The following PCMT1 variants were observed in gnomAD, a reference collection of about 807,000 sequenced individuals.
PCMT1 encodes the protein protein-L-isoaspartate(D-aspartate) O-methyltransferase.
In PCMT1, 9 loss-of-function variants were observed where a neutral mutation model predicts 29.2. The observed-to-expected ratio is 0.31, with a 90% CI of 0.19 to 0.54. The LOEUF (loss-of-function observed/expected upper bound fraction) is 0.54. Ranked by LOEUF, PCMT1 falls within the 20% of genes least tolerant of loss-of-function variation. The probability of loss-of-function intolerance (pLI) is 0.95; values close to 1 mark genes in which losing one functional copy is unlikely to be tolerated. For missense variants in PCMT1, 184 were observed against 282.2 expected, an observed-to-expected ratio of 0.65 and a Z score of 2.49; for synonymous variants, 98 against 97.5, an observed-to-expected ratio of 1.00 and a Z score of -0.03.
At position 149,782,558 on chromosome 6, in the gene PCMT1, T is replaced by C. The variant is rs149467545; in HGVS notation, c.193-7396T>C. ...CTTACTAAAAGAGTCAAGTGCTCCTTGGAGTAGTGACTGACATCTGTCAAG... is the reference window on the plus strand; with the variant it reads ...CTTACTAAAAGAGTCAAGTGCTCCTCGGAGTAGTGACTGACATCTGTCAAG... On this transcript the variant is annotated intron_variant, in intron 3 of 7. Coordinates refer to ENST00000464889, the MANE Select transcript of PCMT1 (RefSeq NM_001360452.2). Among the ~76,000 whole-genome samples the C allele has an allele frequency of 2.6e-4, 39 of 152,298 alleles. No individual in the cohort carries two copies. In the East Asian group the frequency reaches 6.7e-3, roughly 26 times the overall value.
chr6:149,802,128 C>G (rs1355871093), intron 6 of PCMT1, 72 bp from the exon 7 acceptor site: 5 of 1,163,898 alleles, frequency 4.3e-6, no homozygotes, highest in Non-Finnish European at 5.9e-6. Context: ...GACCCTGTCT[C>G]AAAAATAAAT....
intron 2 of PCMT1, 93 bp downstream of exon 2, chr6:149,771,359 A>G (rs935318386): frequency 1.4e-5 from 9 of 646,538 alleles, no homozygotes; most frequent in East Asian, 8.4e-5. Context: ...ATATTTATCT[A>G]TTATTACCTT....
At chr6:149,809,510 A>G (rs1363973090) in intron 7 of PCMT1, among the ~76,000 whole-genome samples, 1 of 152,126 alleles carries the variant, frequency 6.6e-6, no homozygotes, top group Admixed American at 6.5e-5. Context: ...CCAATACTAT[A>G]GGATAAAGGC....
In PCMT1 at chr6:149,802,319, G is replaced by C; in HGVS notation, c.624G>C (p.Leu208=). Residue 208 remains leucine, a synonymous_variant, in exon 7 of 8, where the codon CTG becomes CTC. Transcript: ENST00000464889. The part of the protein sequence containing the change: ...LQDGSIKMKP[L]MGVIYVPLTD... ...ATGGCAGCATCAAAATGAAGCCTCTGATGGGGGTGATATACGTGCCTTTAA... is the reference window on the plus strand; with the variant it reads ...ATGGCAGCATCAAAATGAAGCCTCTCATGGGGGTGATATACGTGCCTTTAA... The C allele has an allele frequency of 6.2e-7, 1 of 1,613,840 alleles. No individual in the cohort carries two copies. The highest frequency in any genetic ancestry group is 8.5e-7 in the Non-Finnish European group (1 of 1,179,810).
At position 149,749,963 on chromosome 6, in the gene PCMT1, G is replaced by T; in HGVS notation, c.55+7G>T. ...CTAATCCACAATCTCCGCAGTAAGTGCCACCTCCGCCCGTTGTAGGGCAGC... is the reference window on the plus strand; with the variant it reads ...CTAATCCACAATCTCCGCAGTAAGTTCCACCTCCGCCCGTTGTAGGGCAGC... On this transcript the variant is annotated splice_region_variant and intron_variant, in intron 1 of 7. Coordinates refer to ENST00000464889, the MANE Select transcript of PCMT1 (RefSeq NM_001360452.2). 1 of 1,607,760 alleles carries T rather than the reference G, an allele frequency of 6.2e-7. No individual in the cohort carries two copies.
At chr6:149,764,571 TA>T (rs919260477) in intron 1 of PCMT1, among the ~76,000 whole-genome samples, 3 of 151,270 alleles carry the variant, frequency 2.0e-5, no homozygotes, top group South Asian at 2.1e-4. Context: ...ACCCACTCTC[TA>T]AAAAAAAACT....
At chr6:149,782,743 T>A (rs1787864498) in intron 3 of PCMT1, among the ~76,000 whole-genome samples, 1 of 150,220 alleles carries the variant, frequency 6.7e-6, no homozygotes, top group African/African-American at 2.5e-5. Flanking sequence ...AATTTGTGAG[T>A]CTATGGAGAC....
Position 149,758,208 on chromosome 6 carries a change from C to CT in PCMT1, c.55+8270dup, listed in dbSNP as rs756014067. Among the ~76,000 whole-genome samples, 336 of 73,930 alleles carry CT rather than the reference C, an allele frequency of 4.5e-3. 4 individuals are homozygous for CT. Among genetic ancestry groups the CT allele is most frequent in the Middle Eastern group, 0.017 (2 of 120 alleles). The allele number at this position is 73,930 out of a possible 152,430, so 48.5% of individuals were successfully genotyped here. On this transcript the variant is annotated intron_variant, in intron 1 of 7. Coordinates refer to ENST00000464889, the MANE Select transcript of PCMT1 (RefSeq NM_001360452.2). Reference sequence around the variant, plus strand: ...CAATTTTTTTTTTCTTTCTTTCTTTCTTTTTTTTTTTTTTTTTTCTGAGAC... The same window carrying CT: ...CAATTTTTTTTTTCTTTCTTTCTTTCTTTTTTTTTTTTTTTTTTTCTGAGAC...
chr6:149,754,860 A>G (rs1388673902), intron 1 of PCMT1, among the ~76,000 whole-genome samples: 2 of 152,196 alleles, frequency 1.3e-5, no homozygotes, highest in African/African-American at 4.8e-5. Context: ...CTTGTGTCCA[A>G]ATAATCCTTA....
At chr6:149,764,627 G>T (rs1021243708) in intron 1 of PCMT1, among the ~76,000 whole-genome samples, 1 of 152,076 alleles carries the variant, frequency 6.6e-6, no homozygotes, top group South Asian at 2.1e-4. Context: ...GTAGGCCTAG[G>T]TGTTGGGGTG....
chr6:149,788,918 G>A (rs1348540759), intron 3 of PCMT1, among the ~76,000 whole-genome samples: 1 of 151,952 alleles, frequency 6.6e-6, no homozygotes, highest in Non-Finnish European at 1.5e-5. Flanking sequence ...CATTCATTAT[G>A]TATCTATATA....
intron 5 of PCMT1, among the ~76,000 whole-genome samples, chr6:149,795,984 C>G (rs560960868): frequency 6.6e-6 from 1 of 152,194 alleles, no homozygotes; most frequent in African/African-American, 2.4e-5. Flanking sequence ...ATCCAGTCTG[C>G]CTTATCCTTA....
Position 149,763,019 on chromosome 6 carries a change from A to C in PCMT1, c.56-8143A>C, listed in dbSNP as rs192993613. 9.3e-4 allele frequency among the ~76,000 whole-genome samples: 58 copies of C among 62,644 alleles called. 9 individuals are homozygous for C. The highest frequency in any genetic ancestry group is 3.2e-3 in the East Asian group (3 of 934). 41.1% of individuals were successfully genotyped at this position (62,644 alleles called of 152,430 possible). A position where few individuals can be genotyped will look rare whatever the true frequency, so the allele number is the denominator to read the frequency against. ...TATATGATATATATATCTATGATAT[A>C]TATGATATATCTATGATATCTATGA... On this transcript the variant is annotated intron_variant, in intron 1 of 7. Transcript: ENST00000464889.
chr6:149,766,489 C>T (rs1787090195), intron 1 of PCMT1, among the ~76,000 whole-genome samples: 1 of 152,176 alleles, frequency 6.6e-6, no homozygotes, highest in African/African-American at 2.4e-5. Flanking sequence ...GAAAGTGTAA[C>T]CCCCAACTTC....
intron 7 of PCMT1, among the ~76,000 whole-genome samples, 165 bp from the exon 8 acceptor site, chr6:149,810,451 C>T (rs1776131083): frequency 6.6e-6 from 1 of 152,108 alleles, no homozygotes; most frequent in Non-Finnish European, 1.5e-5. Context: ...GAATGGCTGA[C>T]CCTCTGTTGC....
chr6:149,783,501 T>C (rs1787897505), intron 3 of PCMT1, among the ~76,000 whole-genome samples: 1 of 152,184 alleles, frequency 6.6e-6, no homozygotes, highest in Non-Finnish European at 1.5e-5. Flanking sequence ...CCACATTTAC[T>C]GAGTGGTTGA....
chr6:149,751,377 A>G (rs1786311534), intron 1 of PCMT1, among the ~76,000 whole-genome samples: 1 of 151,886 alleles, frequency 6.6e-6, no homozygotes. Context: ...CCTTTTTTTC[A>G]TAAATGCCCA....
chr6:149,753,905 T>C (rs1477339006), intron 1 of PCMT1, among the ~76,000 whole-genome samples: 1 of 152,198 alleles, frequency 6.6e-6, no homozygotes, highest in Non-Finnish European at 1.5e-5. Flanking sequence ...GGAGAGCTTT[T>C]CAAAATACAG....
chr6:149,754,379 C>G (rs1786439319), intron 1 of PCMT1, among the ~76,000 whole-genome samples: 1 of 152,092 alleles, frequency 6.6e-6, no homozygotes, highest in Admixed American at 6.6e-5. Context: ...CCTGCTTAAT[C>G]CAGGGAATGT....
Sources: allele counts gnomAD v4.1 joint callset (sites outside exome capture counted in the v4.1 genomes callset), GRCh38; gene constraint gnomAD v4.1.1; transcripts MANE v1.5; gene names NCBI Gene and HGNC (gene_info 2026-07-23, HGNC 2026-07-21).